The following LINGO2 variants were observed in gnomAD, a reference collection of about 807,000 sequenced individuals.
LINGO2 encodes leucine-rich repeat and immunoglobulin-like domain-containing nogo receptor-interacting protein 2.
In LINGO2, 14 loss-of-function variants were observed where a neutral mutation model predicts 30.6. The ratio of observed to expected loss-of-function variants is 0.46; its 90% CI spans 0.30 to 0.72. The LOEUF (loss-of-function observed/expected upper bound fraction) is 0.72. LINGO2 is among the 30% of genes least tolerant of loss of function. LINGO2 has a pLI of 0.07. For synonymous variants in LINGO2, 317 were observed against 288.5 expected (o/e 1.10, Z -1.00); for missense variants, 729 against 751.7 (o/e 0.97, Z 0.35).
chr9:29,200,105 G>A, the LINGO2 span, among the ~76,000 whole-genome samples: 1 of 152,040 alleles, frequency 6.6e-6, no homozygotes, highest in Admixed American at 6.6e-5. Flanking sequence ...AGACTACCCT[G>A]GAGTTTTTCC....
chr9:28,987,329 T>C, the LINGO2 span, among the ~76,000 whole-genome samples: 81 of 152,082 alleles, frequency 5.3e-4, no homozygotes, highest in African/African-American at 1.9e-3. Flanking sequence ...GATTTGTTGA[T>C]TTACAATTAT....
At chr9:28,645,614 G>C (rs1827802376) in intron 1 of LINGO2, among the ~76,000 whole-genome samples, 2 of 152,006 alleles carry the variant, frequency 1.3e-5, no homozygotes, top group South Asian at 2.1e-4. Flanking sequence ...CAACTCTCCA[G>C]ATAGATCATT....
intron 5 of LINGO2, among the ~76,000 whole-genome samples, chr9:28,008,680 C>A (rs182882881): frequency 1.3e-5 from 2 of 151,864 alleles, no homozygotes; most frequent in Admixed American, 1.3e-4. Flanking sequence ...ATTGAATTTC[C>A]AATAGCATCA....
chr9:28,430,475 CTT>C (rs1233578046), intron 2 of LINGO2, among the ~76,000 whole-genome samples: 1 of 152,174 alleles, frequency 6.6e-6, no homozygotes, highest in Non-Finnish European at 1.5e-5. Context: ...TCACGTAACT[CTT>C]TTCCTAGAAT....
the LINGO2 span, among the ~76,000 whole-genome samples, chr9:29,016,779 G>T: frequency 6.6e-6 from 1 of 152,136 alleles, no homozygotes; most frequent in African/African-American, 2.4e-5. Flanking sequence ...AATGCTTCTT[G>T]TTCAAAAGGA....
intron 1 of LINGO2, among the ~76,000 whole-genome samples, chr9:28,617,088 G>T (rs1412510746): frequency 6.6e-6 from 1 of 151,944 alleles, no homozygotes; most frequent in African/African-American, 2.4e-5. Context: ...GCATGAATAT[G>T]AAGTAAAAAA....
At chr9:28,932,675 T>G in the LINGO2 span, among the ~76,000 whole-genome samples, 6,252 of 152,140 alleles carry the variant, frequency 0.041, 197 homozygotes, top group Admixed American at 0.082. Flanking sequence ...TCCTCCTATA[T>G]TATCATTGTA....
the LINGO2 span, among the ~76,000 whole-genome samples, chr9:28,683,708 C>A: frequency 6.6e-5 from 10 of 152,100 alleles, no homozygotes; most frequent in African/African-American, 2.4e-4. Flanking sequence ...GATAAAAAAT[C>A]TAACATGAAA....
At chr9:28,023,636 A>G (rs1823240904) in intron 4 of LINGO2, among the ~76,000 whole-genome samples, 1 of 152,214 alleles carries the variant, frequency 6.6e-6, no homozygotes, top group Admixed American at 6.5e-5. Flanking sequence ...CTGAAGTCAG[A>G]GAAATATATC....
chr9:28,643,785 T>C (rs527604669), intron 1 of LINGO2, among the ~76,000 whole-genome samples: 12 of 151,968 alleles, frequency 7.9e-5, no homozygotes, highest in Middle Eastern at 3.4e-3. Flanking sequence ...GAACTACCCA[T>C]CTGACAAGGA....
At chr9:28,480,088 G>A (rs10120909) in intron 1 of LINGO2, among the ~76,000 whole-genome samples, 101,720 of 150,572 alleles carry the variant, frequency 0.68, 34,596 homozygotes, top group South Asian at 0.75. Flanking sequence ...ACGTTTACAA[G>A]GAGTTGCTAT....
chr9:27,987,139 TGAG>T (rs1400223505), intron 5 of LINGO2, among the ~76,000 whole-genome samples: 2 of 151,896 alleles, frequency 1.3e-5, no homozygotes, highest in Non-Finnish European at 2.9e-5. Flanking sequence ...GGGGTACTTA[TGAG>T]GATGAAAGTA....
intron 1 of LINGO2, among the ~76,000 whole-genome samples, chr9:28,515,111 T>A (rs10968630): frequency 0.094 from 14,255 of 152,166 alleles, 822 homozygotes; most frequent in Middle Eastern, 0.17. Flanking sequence ...TCAAGGATAT[T>A]AATGTTCTCT....
At chr9:28,973,615 T>C in the LINGO2 span, among the ~76,000 whole-genome samples, 2 of 152,212 alleles carry the variant, frequency 1.3e-5, no homozygotes, top group African/African-American at 4.8e-5. Context: ...GCTTCTGCCA[T>C]GATTGTGAGG....
chr9:28,179,665 T>C (rs1375607779), intron 4 of LINGO2, among the ~76,000 whole-genome samples: 1 of 144,930 alleles, frequency 6.9e-6, no homozygotes, highest in Non-Finnish European at 1.5e-5. Context: ...ATATACTATA[T>C]ATAGTATTTT....
the LINGO2 span, among the ~76,000 whole-genome samples, chr9:28,729,556 C>A: frequency 6.6e-6 from 1 of 151,698 alleles, no homozygotes; most frequent in Admixed American, 6.6e-5. Flanking sequence ...AAGAAACATT[C>A]CAAGAACAAG....
the LINGO2 span, among the ~76,000 whole-genome samples, chr9:28,836,060 G>A: frequency 6.6e-6 from 1 of 151,852 alleles, no homozygotes; most frequent in African/African-American, 2.4e-5. Flanking sequence ...GCTGGATAAA[G>A]AAGATGTCTT....
the LINGO2 span, among the ~76,000 whole-genome samples, chr9:29,030,283 C>A: frequency 7.5e-6 from 1 of 132,660 alleles, no homozygotes; most frequent in African/African-American, 2.6e-5. Context: ...AACACTGGCC[C>A]CAATTATGTA....
intron 1 of LINGO2, among the ~76,000 whole-genome samples, chr9:28,583,220 A>G (rs1824349819): frequency 6.6e-6 from 1 of 152,020 alleles, no homozygotes; most frequent in Admixed American, 6.6e-5. Context: ...AGAAGTTGTA[A>G]TGGCTGTCCA....
Sources: gnomAD v4.1 joint callset for allele counts (sites outside exome capture counted in the v4.1 genomes callset) on GRCh38, gnomAD v4.1.1 for gene constraint, MANE v1.5 for transcripts, NCBI Gene and HGNC (gene_info 2026-07-23, HGNC 2026-07-21) for gene names.